Variants in TPO observed in about 807,000 individuals in gnomAD.
TPO encodes the protein thyroid microsomal antigen.
In TPO, 78 loss-of-function variants were observed where a neutral mutation model predicts 96.9. That is an observed-to-expected ratio of 0.81 (90% CI 0.67 to 0.97). The LOEUF is 0.97. Among genes scored for constraint, TPO ranks in the 50% least tolerant of loss-of-function variants. TPO has a pLI of 0.00. For synonymous variants in TPO, 547 were observed against 538.0 expected, an observed-to-expected ratio of 1.02 and a Z score of -0.23; for missense variants, 1,252 against 1,274.8, an observed-to-expected ratio of 0.98 and a Z score of 0.27.
chr2:1,417,063 G>A (rs550974099), intron 2 of TPO, among the ~76,000 whole-genome samples: 1 of 152,344 alleles, frequency 6.6e-6, no homozygotes, highest in South Asian at 2.1e-4. Context: ...GCAAGGCTGT[G>A]GCCGCTCAGT....
At chr2:1,466,017 T>C (rs557178801) in intron 7 of TPO, among the ~76,000 whole-genome samples, 14 of 152,316 alleles carry the variant, frequency 9.2e-5, no homozygotes, top group African/African-American at 2.4e-4. Flanking sequence ...CAGAATTATG[T>C]TGGCTGTGGG....
intron 15 of TPO, among the ~76,000 whole-genome samples, chr2:1,518,124 C>T (rs1674903854): frequency 6.6e-6 from 1 of 152,192 alleles, no homozygotes; most frequent in Non-Finnish European, 1.5e-5. Context: ...CACCCGATAC[C>T]ACATATCTAT....
intron 5 of TPO, among the ~76,000 whole-genome samples, chr2:1,437,618 C>T (rs139646167): frequency 8.6e-4 from 131 of 152,328 alleles, no homozygotes; most frequent in Admixed American, 2.2e-3. Context: ...GGATTTGAAA[C>T]CTGGAATCAC....
intron 15 of TPO, among the ~76,000 whole-genome samples, chr2:1,526,636 CCA>C (rs924885955): frequency 7.0e-6 from 1 of 143,482 alleles, no homozygotes; most frequent in Non-Finnish European, 1.5e-5. Flanking sequence ...CCAAATCTCC[CCA>C]GTGTGTGCAA....
intron 2 of TPO, among the ~76,000 whole-genome samples, chr2:1,422,388 C>CTCTCCTGGACAGACCTCGTGCAG (rs1573110964): frequency 1.3e-4 from 20 of 152,090 alleles, no homozygotes; most frequent in East Asian, 3.9e-4. Flanking sequence ...GTGCAGGCGC[C>CTCTCCTGGACAGACCTCGTGCAG]GCGCTGGGCC....
At chr2:1,421,540 T>TG (rs1039691523) in intron 2 of TPO, among the ~76,000 whole-genome samples, 19 of 151,578 alleles carry the variant, frequency 1.3e-4, no homozygotes, top group African/African-American at 4.4e-4. Flanking sequence ...CCTGGGGAGG[T>TG]GGGGGGCGGG....
At chr2:1,377,693 C>T (rs922828416) in intron 1 of TPO, among the ~76,000 whole-genome samples, 2 of 152,274 alleles carry the variant, frequency 1.3e-5, no homozygotes, top group Non-Finnish European at 2.9e-5. Context: ...GGGTGAGTCA[C>T]GCTGGGAGAG....
chr2:1,382,448 T>C (rs999487987), intron 1 of TPO, among the ~76,000 whole-genome samples: 6 of 152,104 alleles, frequency 3.9e-5, no homozygotes, highest in African/African-American at 1.4e-4. Flanking sequence ...CCAGCAACAC[T>C]CACTTGCCTC....
intron 15 of TPO, among the ~76,000 whole-genome samples, chr2:1,524,438 A>T (rs1573542766): frequency 2.7e-5 from 1 of 37,586 alleles, no homozygotes; most frequent in Non-Finnish European, 4.7e-5. Flanking sequence ...ACCCCCCCAA[A>T]TCCCCCCACT....
chr2:1,429,846 C>T (rs1242894920), intron 3 of TPO, among the ~76,000 whole-genome samples: 1 of 152,126 alleles, frequency 6.6e-6, no homozygotes, highest in African/African-American at 2.4e-5. Context: ...CTTCTAACAA[C>T]CAACCATCAG....
chr2:1,422,330 C>T (rs1476749625), intron 2 of TPO, among the ~76,000 whole-genome samples: 17 of 130,854 alleles, frequency 1.3e-4, no homozygotes, highest in African/African-American at 3.2e-4. Flanking sequence ...CTCGTGCAGG[C>T]GCCTCTCCTG....
intron 9 of TPO, 49 bp from the exon 10 acceptor site, chr2:1,487,769 TCTC>T: frequency 1.2e-6 from 2 of 1,610,524 alleles, no homozygotes. Flanking sequence ...TATTGTTGTT[TCTC>T]TAGAACTGAG....
chr2:1,532,239 T>A (rs1289249516), intron 15 of TPO, among the ~76,000 whole-genome samples: 2 of 16,698 alleles, frequency 1.2e-4, no homozygotes, highest in African/African-American at 2.4e-4. Context: ...CCCCACTGCC[T>A]GCAACCTCCT....
intron 13 of TPO, among the ~76,000 whole-genome samples, chr2:1,501,154 C>T (rs763733542): frequency 2.0e-5 from 3 of 151,044 alleles, no homozygotes; most frequent in Non-Finnish European, 4.5e-5. Flanking sequence ...AAATACAGTT[C>T]GCAACCAGTA....
intron 2 of TPO, among the ~76,000 whole-genome samples, chr2:1,417,215 G>A (rs56172589): frequency 6.9e-6 from 1 of 143,936 alleles, no homozygotes; most frequent in South Asian, 2.4e-4. Flanking sequence ...CATCAGGCCA[G>A]TGCCGTGACT....
At chr2:1,530,942 C>T (rs1172238772) in intron 15 of TPO, among the ~76,000 whole-genome samples, 1 of 118,968 alleles carries the variant, frequency 8.4e-6, no homozygotes, top group African/African-American at 3.3e-5. Context: ...CCCAAATCCC[C>T]CCACTATGTG....
intron 1 of TPO, among the ~76,000 whole-genome samples, chr2:1,396,327 G>A (rs1662079845): frequency 6.6e-6 from 1 of 152,250 alleles, no homozygotes; most frequent in African/African-American, 2.4e-5. Context: ...ATCCCAAGAA[G>A]CGTTTACCCA....
chr2:1,473,064 T>C (rs1669585975), intron 7 of TPO, among the ~76,000 whole-genome samples: 2 of 152,300 alleles, frequency 1.3e-5, no homozygotes, highest in South Asian at 2.1e-4. Flanking sequence ...CTCTCACTTT[T>C]CTTACAAATG....
At chr2:1,498,018 T>C (rs1429079532) in intron 13 of TPO, among the ~76,000 whole-genome samples, 1 of 130,062 alleles carries the variant, frequency 7.7e-6, no homozygotes, top group Non-Finnish European at 1.6e-5. Flanking sequence ...AAAAAGTGGC[T>C]GGGAGGGGGA....
Sources: allele counts gnomAD v4.1 joint callset (sites outside exome capture counted in the v4.1 genomes callset), GRCh38; gene constraint gnomAD v4.1.1; transcripts MANE v1.5; gene names NCBI Gene and HGNC (gene_info 2026-07-23, HGNC 2026-07-21).